CD8B: variants seen among roughly 807,000 people sequenced by gnomAD.
CD8B encodes the protein T-cell surface glycoprotein CD8 beta chain.
Under a neutral mutation model 24.2 loss-of-function variants are expected in CD8B, and 6 were observed. That is an observed-to-expected ratio of 0.25 (90% CI 0.14 to 0.49). The LOEUF is 0.49. CD8B is among the 20% of genes least tolerant of loss of function. The pLI, the probability that CD8B is intolerant of heterozygous loss-of-function variation, is 0.98. For synonymous variants in CD8B, 84 were observed against 108.3 expected (o/e 0.78, Z 1.39); for missense variants, 196 against 271.3 (o/e 0.72, Z 1.95).
chr2:86,839,565 A>C lies in CD8B; in HGVS notation c.*2742T>G, dbSNP rs1675323396. On this transcript the variant is annotated 3_prime_UTR_variant, in exon 6 of 6. Transcript: ENST00000390655. ...TGCAGACCTTCTCACCGCAGCCCCC[A>C]CCATTGGCAGCCCAGCCTGCTCCAG... Among the ~76,000 whole-genome samples the C allele has an allele frequency of 6.6e-6, 1 of 152,190 alleles. No individual in the cohort carries two copies. Among genetic ancestry groups the C allele is most frequent in the African/African-American group, 2.4e-5 (1 of 41,452 alleles).
intron 2 of CD8B, among the ~76,000 whole-genome samples, chr2:86,857,752 G>C (rs1676344119): frequency 1.3e-5 from 2 of 152,086 alleles, no homozygotes; most frequent in Non-Finnish European, 2.9e-5. Flanking sequence ...AAATAAAAAA[G>C]AGAAGCACAA....
rs2104538223 is a variant in CD8B, at chr2:86,841,374, G to A, written c.*933C>T. 6.6e-6 allele frequency among the ~76,000 whole-genome samples: 1 copy of A among 150,978 alleles called. No homozygotes were observed. Among genetic ancestry groups the A allele is most frequent in the Non-Finnish European group, 1.5e-5 (1 of 67,770 alleles). ...AGTTCAGCTTGGGAGTGGGCTGGGA[G>A]AGGGGCCTGAGGCACCTGCAGCCTG... On this transcript the variant is annotated 3_prime_UTR_variant, in exon 6 of 6. Coordinates refer to ENST00000390655, the MANE Select transcript of CD8B (RefSeq NM_004931.5).
chr2:86,857,471 C>T (rs936746456), intron 2 of CD8B, among the ~76,000 whole-genome samples: 6 of 152,286 alleles, frequency 3.9e-5, no homozygotes, highest in East Asian at 1.9e-4. Context: ...GTAATCCTAG[C>T]GCTTTGGGAG....
chr2:86,822,263 A>C (rs1674508505), intron 5 of CD8B: 3 of 900,834 alleles, frequency 3.3e-6, no homozygotes, highest in Non-Finnish European at 5.3e-6. Context: ...TATCTGTTTC[A>C]GGTAAGAGTC....
At chr2:86,842,879 G>A (rs1439606110) in intron 5 of CD8B, among the ~76,000 whole-genome samples, 5 of 152,046 alleles carry the variant, frequency 3.3e-5, no homozygotes, top group Non-Finnish European at 5.9e-5. Context: ...AGGTCTCAGG[G>A]TCCCCCCACG....
At chr2:86,830,782 A>G (rs984335360) in intron 5 of CD8B, among the ~76,000 whole-genome samples, 3 of 152,132 alleles carry the variant, frequency 2.0e-5, no homozygotes, top group African/African-American at 4.8e-5. Flanking sequence ...ACTCTTATCT[A>G]TCTGAAATGC....
At chr2:86,859,314 C>T (rs1252563390) in intron 1 of CD8B, among the ~76,000 whole-genome samples, 1 of 152,102 alleles carries the variant, frequency 6.6e-6, no homozygotes, top group African/African-American at 2.4e-5. Context: ...TAGACTCTGA[C>T]GAGAAGCACC....
chr2:86,828,630 G>A (rs1270160491), intron 5 of CD8B, among the ~76,000 whole-genome samples: 2 of 152,118 alleles, frequency 1.3e-5, no homozygotes, highest in African/African-American at 4.8e-5. Context: ...TTCTGTGCAA[G>A]TAGGTTTTAA....
chr2:86,848,703 T>TAATTATTTATTTATTTATTTAATTTATTG (rs1287364305), intron 3 of CD8B, among the ~76,000 whole-genome samples: 1 of 65,826 alleles, frequency 1.5e-5, no homozygotes, highest in Non-Finnish European at 2.7e-5. Context: ...ATTTTTAAAT[T>TAATTATTTATTTATTTATTTAATTTATTG]ATTTATTTAT....
Position 86,823,369 on chromosome 2 carries a change from T to C in CD8B, c.621-7651A>G, listed in dbSNP as rs543311677. Reference sequence around the variant, plus strand: ...ATCATGGCTCACTGTAGCCTTCACCTCGTGGGCTCAAGTGATCTTCACATC... The same window carrying C: ...ATCATGGCTCACTGTAGCCTTCACCCCGTGGGCTCAAGTGATCTTCACATC... On this transcript the variant is annotated intron_variant, in intron 5 of 5. Transcript: ENST00000331469. Among the ~76,000 whole-genome samples the C allele has an allele frequency of 2.1e-3, 315 of 152,272 alleles. 1 individual carries two copies. Among genetic ancestry groups the C allele is most frequent in the African/African-American group, 6.9e-3 (288 of 41,556 alleles).
At chr2:86,818,066 C>T (rs564685836) in intron 5 of CD8B, among the ~76,000 whole-genome samples, 23 of 152,000 alleles carry the variant, frequency 1.5e-4, no homozygotes, top group African/African-American at 4.3e-4. Context: ...AAAAATTAGC[C>T]GGGCGTGGTG....
At chr2:86,820,606 T>A (rs1413339690) in intron 5 of CD8B, among the ~76,000 whole-genome samples, 2 of 152,238 alleles carry the variant, frequency 1.3e-5, no homozygotes, top group Non-Finnish European at 2.9e-5. Context: ...AACTTTTATG[T>A]ACACTGGGAA....
chr2:86,817,487 C>A (rs1356467291), intron 5 of CD8B, among the ~76,000 whole-genome samples: 1 of 151,986 alleles, frequency 6.6e-6, no homozygotes, highest in East Asian at 1.9e-4. Context: ...ACAGGTAAAT[C>A]TCAAAAATAT....
At chr2:86,836,169 T>C (rs557620975), downstream of CD8B, among the ~76,000 whole-genome samples, 6 of 151,898 alleles carry the variant, frequency 4.0e-5, 1 homozygote, top group East Asian at 1.2e-3. Context: ...GGAGGGGCAG[T>C]GGAGAGGGAG....
downstream of CD8B, among the ~76,000 whole-genome samples, chr2:86,833,774 C>G (rs2104523262): frequency 2.6e-5 from 4 of 151,800 alleles, no homozygotes; most frequent in Middle Eastern, 6.8e-3. Context: ...CCTCAGCCTT[C>G]CTAGTAGCCG....
At chr2:86,860,560 GGAAA>G (rs1217476289) in intron 1 of CD8B, among the ~76,000 whole-genome samples, 1 of 152,154 alleles carries the variant, frequency 6.6e-6, no homozygotes, top group African/African-American at 2.4e-5. Flanking sequence ...TTACCCATGA[GGAAA>G]GAGAGACTCA....
At chr2:86,842,412 A>G (rs1238684169) in intron 5 of CD8B, 93 bp from the exon 6 acceptor site, 1 of 1,550,124 alleles carries the variant, frequency 6.5e-7, no homozygotes, top group Non-Finnish European at 8.7e-7. Context: ...GAGAATGCAG[A>G]GTTCTACTCC....
intron 5 of CD8B, among the ~76,000 whole-genome samples, chr2:86,819,595 C>T (rs936590077): frequency 6.6e-5 from 10 of 152,134 alleles, no homozygotes; most frequent in East Asian, 1.9e-4. Flanking sequence ...TGTTGAGACT[C>T]GCTCAGGAAA....
chr2:86,860,622 C>T (rs1042988162), intron 1 of CD8B, among the ~76,000 whole-genome samples: 4 of 152,204 alleles, frequency 2.6e-5, no homozygotes, highest in African/African-American at 9.7e-5. Context: ...CAGATTAAAA[C>T]CCAGCTTGTG....
Sources: allele counts gnomAD v4.1 joint callset (sites outside exome capture counted in the v4.1 genomes callset), GRCh38; gene constraint gnomAD v4.1.1; transcripts MANE v1.5; gene names NCBI Gene and HGNC (gene_info 2026-07-23, HGNC 2026-07-21).